Variants in NME7 observed in about 807,000 individuals in gnomAD.
The protein encoded by NME7 is NME/NM23 family member 7.
Under a neutral mutation model 49.1 loss-of-function variants are expected in NME7, and 41 were observed. The observed-to-expected ratio is 0.83, with a 90% confidence interval of 0.65 to 1.08. The LOEUF is 1.08. NME7 is among the 50% of genes least tolerant of loss of function. The probability of loss-of-function intolerance (pLI) is 0.00; values close to 1 mark genes in which losing one functional copy is unlikely to be tolerated. For missense variants in NME7, 423 were observed against 463.4 expected, an observed-to-expected ratio of 0.91 and a Z score of 0.80; for synonymous variants, 139 against 150.6, an observed-to-expected ratio of 0.92 and a Z score of 0.56.
intron 2 of NME7, among the ~76,000 whole-genome samples, chr1:169,323,500 T>G (rs1299810151): frequency 6.6e-6 from 1 of 152,214 alleles, no homozygotes; most frequent in Non-Finnish European, 1.5e-5. Flanking sequence ...TATTACAAAT[T>G]TAATACTCTT....
Position 169,258,979 on chromosome 1 carries a change from A to G in NME7, c.755-21292T>C, listed in dbSNP as rs945835940. Among the ~76,000 whole-genome samples the G allele has an allele frequency of 3.7e-5, 5 of 133,970 alleles. 1 individual carries two copies. The highest frequency in any genetic ancestry group is 8.8e-5 in the Non-Finnish European group (5 of 57,038). 87.9% of individuals were successfully genotyped at this position (133,970 alleles called of 152,430 possible). A position where few individuals can be genotyped will look rare whatever the true frequency, so the allele number is the denominator to read the frequency against. ...TCCTGATGCACACTAACGTTTCAGA[A>G]CCATTACTGCGAGTAAGGTCTCTGA... On this transcript the variant is annotated intron_variant, in intron 7 of 11. Coordinates refer to ENST00000367811, the MANE Select transcript of NME7 (RefSeq NM_013330.5).
chr1:169,293,375 G>C (rs932245821), intron 6 of NME7, among the ~76,000 whole-genome samples: 47 of 151,426 alleles, frequency 3.1e-4, no homozygotes, highest in African/African-American at 1.1e-3. Context: ...AAACTCTAAG[G>C]AGAATCCTAG....
chr1:169,343,008 T>TATATATATGC (rs1430883064), intron 1 of NME7, among the ~76,000 whole-genome samples: 3 of 138,230 alleles, frequency 2.2e-5, no homozygotes, highest in African/African-American at 5.2e-5. Flanking sequence ...TATATATATA[T>TATATATATGC]ATATATGCAT....
chr1:169,177,248 C>CA (rs1321205705), intron 10 of NME7, among the ~76,000 whole-genome samples: 2 of 152,122 alleles, frequency 1.3e-5, no homozygotes, highest in Admixed American at 1.3e-4. Flanking sequence ...CAAATCCTGT[C>CA]AATACAACTA....
chr1:169,162,009 C>A (rs1445557638), intron 11 of NME7, among the ~76,000 whole-genome samples: 1 of 152,060 alleles, frequency 6.6e-6, no homozygotes, highest in East Asian at 1.9e-4. Context: ...TCACCTTGAC[C>A]CTGACTTATG....
chr1:169,225,174 T>C (rs1647278872), intron 10 of NME7, among the ~76,000 whole-genome samples: 1 of 152,172 alleles, frequency 6.6e-6, no homozygotes, highest in Non-Finnish European at 1.5e-5. Flanking sequence ...AGTGGTGCAA[T>C]CTCAGCTCAC....
At chr1:169,140,838 A>C (rs2101809056) in intron 11 of NME7, among the ~76,000 whole-genome samples, 1 of 152,260 alleles carries the variant, frequency 6.6e-6, no homozygotes, top group Non-Finnish European at 1.5e-5. Context: ...ATGGATCTTT[A>C]AAGAACCAAA....
intron 11 of NME7, chr1:169,168,949 T>C (rs1483744001): frequency 4.4e-6 from 2 of 451,564 alleles, no homozygotes; most frequent in Non-Finnish European, 8.9e-6. Context: ...AGTTCAAACA[T>C]TGTTCAAGGG....
chr1:169,222,172 T>C (rs1470720143), intron 10 of NME7, among the ~76,000 whole-genome samples: 2 of 152,162 alleles, frequency 1.3e-5, no homozygotes, highest in Non-Finnish European at 2.9e-5. Flanking sequence ...CTTTCTTCAT[T>C]TTCCATCATA....
intron 11 of NME7, among the ~76,000 whole-genome samples, chr1:169,143,111 G>T (rs1658646682): frequency 6.6e-6 from 1 of 152,040 alleles, no homozygotes; most frequent in Admixed American, 6.6e-5. Flanking sequence ...TTTTCCACAT[G>T]GTAACTGGAG....
intron 11 of NME7, among the ~76,000 whole-genome samples, chr1:169,135,223 A>G (rs1159173282): frequency 6.6e-6 from 1 of 151,968 alleles, no homozygotes; most frequent in Non-Finnish European, 1.5e-5. Context: ...CCCAGAACCT[A>G]TCTACTTTAG....
intron 11 of NME7, among the ~76,000 whole-genome samples, chr1:169,154,317 T>C (rs1288065065): frequency 6.6e-6 from 1 of 151,972 alleles, no homozygotes; most frequent in Non-Finnish European, 1.5e-5. Context: ...TGGGCAGAAA[T>C]GTGTATCTTC....
rs74121613 is a variant in NME7, at chr1:169,309,843, A to C, written c.389+127T>G. ...CTCCTGTCAGTTCCCATTTTGGTTA[A>C]GTTACTATTCTATTCTTTGTCATTC... On this transcript the variant is annotated intron_variant, in intron 4 of 11. Transcript: ENST00000367811. 6.9e-3 allele frequency: 4,105 copies of C among 592,584 alleles called. 134 individuals carry two copies. The African/African-American group carries it at 0.072, about 10-fold the overall frequency. The allele number at this position is 592,584 out of a possible 1,614,324, so 36.7% of individuals were successfully genotyped here. A position where few individuals can be genotyped will look rare whatever the true frequency, so the allele number is the denominator to read the frequency against.
At chr1:169,263,191 TG>T in intron 7 of NME7, among the ~76,000 whole-genome samples, 1 of 134,272 alleles carries the variant, frequency 7.4e-6, no homozygotes, top group African/African-American at 2.5e-5. Flanking sequence ...TGGAAAAAGC[TG>T]AAGTGCCTTC....
intron 7 of NME7, chr1:169,285,206 A>G (rs1558022978): frequency 6.6e-6 from 1 of 152,150 alleles, no homozygotes; most frequent in African/African-American, 2.4e-5. Flanking sequence ...CAATTCAAAA[A>G]TCCAATAAAC....
At chr1:169,352,869 T>C (rs1189789288) in intron 1 of NME7, among the ~76,000 whole-genome samples, 1 of 151,796 alleles carries the variant, frequency 6.6e-6, no homozygotes, top group East Asian at 1.9e-4. Context: ...ATTTATACAA[T>C]GAAAACTTTA....
intron 10 of NME7, among the ~76,000 whole-genome samples, chr1:169,194,175 T>C (rs1267284338): frequency 6.6e-6 from 1 of 152,192 alleles, no homozygotes; most frequent in South Asian, 2.1e-4. Flanking sequence ...AAGTACACTA[T>C]GGAAGAAGAC....
At chr1:169,335,536 A>G (rs1652424990) in intron 1 of NME7, among the ~76,000 whole-genome samples, 1 of 151,658 alleles carries the variant, frequency 6.6e-6, no homozygotes, top group South Asian at 2.1e-4. Flanking sequence ...GGAACAACAC[A>G]TACCAGGGCC....
At chr1:169,145,522 C>T (rs868404849) in intron 11 of NME7, among the ~76,000 whole-genome samples, 2 of 152,306 alleles carry the variant, frequency 1.3e-5, no homozygotes, top group African/African-American at 4.8e-5. Flanking sequence ...TTATCAGAAG[C>T]TTCCATGGAG....
Sources: allele counts gnomAD v4.1 joint callset (sites outside exome capture counted in the v4.1 genomes callset), GRCh38; gene constraint gnomAD v4.1.1; transcripts MANE v1.5; gene names NCBI Gene and HGNC (gene_info 2026-07-23, HGNC 2026-07-21).